Variants in CCDC178 observed in about 807,000 individuals in gnomAD.
The protein encoded by CCDC178 is coiled-coil domain-containing protein 178.
A neutral mutation model predicts 117.4 loss-of-function variants in CCDC178; 126 were observed. The ratio of observed to expected loss-of-function variants is 1.07; its 90% CI spans 0.93 to 1.24. The LOEUF (loss-of-function observed/expected upper bound fraction) is 1.24. Among genes scored for constraint, CCDC178 ranks in the 50% most tolerant of loss-of-function variants. The pLI, the probability that CCDC178 is intolerant of heterozygous loss-of-function variation, is 0.00. For synonymous variants in CCDC178, 283 were observed against 313.4 expected (o/e 0.90, Z 1.02); for missense variants, 1,030 against 986.9 (o/e 1.04, Z -0.59).
chr18:33,264,274 T>C (rs1009986749), intron 14 of CCDC178, among the ~76,000 whole-genome samples: 5 of 152,088 alleles, frequency 3.3e-5, no homozygotes, highest in African/African-American at 1.2e-4. Flanking sequence ...GTGATAGATA[T>C]ATATAGTTAC....
intron 2 of CCDC178, among the ~76,000 whole-genome samples, chr18:33,427,498 A>G (rs532843068): frequency 1.1e-4 from 16 of 152,246 alleles, no homozygotes; most frequent in Non-Finnish European, 2.1e-4. Flanking sequence ...TCTTTTATAA[A>G]TCTTTAAACT....
intron 21 of CCDC178, among the ~76,000 whole-genome samples, chr18:33,051,214 A>G (rs1454089171): frequency 6.6e-6 from 1 of 152,122 alleles, no homozygotes; most frequent in Non-Finnish European, 1.5e-5. Flanking sequence ...ACCCAGCCTG[A>G]TCATCAATGT....
chr18:33,017,778 T>C (rs570357001), intron 21 of CCDC178, among the ~76,000 whole-genome samples: 1 of 151,834 alleles, frequency 6.6e-6, no homozygotes, highest in Non-Finnish European at 1.5e-5. Context: ...TCCAGAAATA[T>C]GCATAGAAAA....
intron 22 of CCDC178, among the ~76,000 whole-genome samples, chr18:32,968,278 A>T (rs890064508): frequency 4.6e-5 from 7 of 152,028 alleles, no homozygotes; most frequent in Non-Finnish European, 8.8e-5. Flanking sequence ...TATTTTACCT[A>T]ACATGATATC....
intron 6 of CCDC178, among the ~76,000 whole-genome samples, chr18:33,357,563 C>T (rs936491590): frequency 2.0e-5 from 3 of 152,052 alleles, no homozygotes; most frequent in African/African-American, 7.2e-5. Flanking sequence ...CAAAATTATA[C>T]CTGAGTTCAC....
chr18:33,311,248 A>C (rs2062337992), intron 11 of CCDC178, among the ~76,000 whole-genome samples: 1 of 152,234 alleles, frequency 6.6e-6, no homozygotes. Flanking sequence ...GCCCATAAGT[A>C]CAAGACAAAC....
intron 11 of CCDC178, among the ~76,000 whole-genome samples, chr18:33,295,333 T>A (rs1464629147): frequency 1.3e-5 from 2 of 152,146 alleles, no homozygotes; most frequent in African/African-American, 4.8e-5. Flanking sequence ...AAATATAAAT[T>A]GTAAACCTAT....
intron 21 of CCDC178, among the ~76,000 whole-genome samples, chr18:33,046,231 T>A (rs2056640491): frequency 6.6e-6 from 1 of 152,192 alleles, no homozygotes; most frequent in Non-Finnish European, 1.5e-5. Context: ...TATTCTAGTA[T>A]CTTATCCTTG....
intron 20 of CCDC178, among the ~76,000 whole-genome samples, chr18:33,105,920 T>C (rs947408409): frequency 1.3e-5 from 2 of 151,618 alleles, no homozygotes; most frequent in African/African-American, 4.8e-5. Flanking sequence ...CTGTAGTTGA[T>C]TTTCAAAAAT....
chr18:33,206,002 T>C (rs372088789), intron 20 of CCDC178, among the ~76,000 whole-genome samples: 1 of 152,134 alleles, frequency 6.6e-6, no homozygotes. Context: ...CCCCCAGCCA[T>C]GCAAATTAAA....
At chr18:33,426,846 T>A (rs973696146) in intron 2 of CCDC178, among the ~76,000 whole-genome samples, 4 of 152,134 alleles carry the variant, frequency 2.6e-5, no homozygotes, top group African/African-American at 9.7e-5. Flanking sequence ...AATTGTATTA[T>A]AATAAAATGA....
chr18:33,274,305 G>A (rs9950596), intron 12 of CCDC178, among the ~76,000 whole-genome samples: 1 of 151,876 alleles, frequency 6.6e-6, no homozygotes, highest in South Asian at 2.1e-4. Context: ...AAATCACTAT[G>A]GTAATGTAAA....
chr18:33,259,544 G>T (rs1304740696), intron 14 of CCDC178, among the ~76,000 whole-genome samples: 1 of 152,102 alleles, frequency 6.6e-6, no homozygotes, highest in East Asian at 1.9e-4. Flanking sequence ...AGGAGAGAGA[G>T]AGAGTGAAGG....
chr18:33,400,377 A>G (rs1298812328), intron 3 of CCDC178, among the ~76,000 whole-genome samples: 1 of 152,166 alleles, frequency 6.6e-6, no homozygotes, highest in Non-Finnish European at 1.5e-5. Context: ...CTCCCCAGCT[A>G]TGAAAGTTCT....
chr18:33,004,815 G>C (rs1267239462), intron 21 of CCDC178, among the ~76,000 whole-genome samples: 2 of 151,942 alleles, frequency 1.3e-5, no homozygotes, highest in Non-Finnish European at 1.5e-5. Flanking sequence ...ATCTGAATAG[G>C]CATGTCTCAA....
intron 20 of CCDC178, among the ~76,000 whole-genome samples, chr18:33,109,229 T>C (rs1363501776): frequency 6.6e-6 from 1 of 151,704 alleles, no homozygotes; most frequent in Admixed American, 6.6e-5. Flanking sequence ...TATACATATA[T>C]ACAGATTGCT....
intron 2 of CCDC178, among the ~76,000 whole-genome samples, chr18:33,412,435 TG>T (rs376140441): frequency 8.0e-4 from 121 of 151,114 alleles, no homozygotes; most frequent in African/African-American, 2.7e-3. Flanking sequence ...GAACCTACAA[TG>T]TTTTCATTTC....
chr18:33,440,273 T>G (rs1280832907), intron 1 of CCDC178, among the ~76,000 whole-genome samples, 192 bp from the exon 2 acceptor site: 1 of 128,452 alleles, frequency 7.8e-6, no homozygotes, highest in Non-Finnish European at 1.6e-5. Context: ...TCTGCTTCCC[T>G]TCCCCCGGCA....
At chr18:33,137,847 A>G (rs1447780583) in intron 20 of CCDC178, among the ~76,000 whole-genome samples, 1 of 152,238 alleles carries the variant, frequency 6.6e-6, no homozygotes, top group Non-Finnish European at 1.5e-5. Flanking sequence ...AGCCATATCC[A>G]GAGCATAGGT....
Sources: gnomAD v4.1 joint callset for allele counts (sites outside exome capture counted in the v4.1 genomes callset) on GRCh38, gnomAD v4.1.1 for gene constraint, MANE v1.5 for transcripts, NCBI Gene and HGNC (gene_info 2026-07-23, HGNC 2026-07-21) for gene names.